Variants in WDR45 observed in about 807,000 individuals in gnomAD.
The protein encoded by WDR45 is WD repeat domain phosphoinositide-interacting protein 4.
A neutral mutation model predicts 27.3 loss-of-function variants in WDR45; 2 were observed. The ratio of observed to expected loss-of-function variants is 0.07; its 90% CI spans 0.03 to 0.23. WDR45 has a LOEUF of 0.23. Among genes scored for constraint, WDR45 ranks in the 10% least tolerant of loss-of-function variants. The probability of loss-of-function intolerance (pLI) is 1.00; values close to 1 mark genes in which losing one functional copy is unlikely to be tolerated. For missense variants in WDR45, 175 were observed against 311.9 expected (o/e 0.56, Z 3.31); for synonymous variants, 99 against 119.2 (o/e 0.83, Z 1.11).
At position 49,077,654 on chromosome X, in the gene WDR45, G is replaced by A; in HGVS notation, c.224C>T (p.Ser75Leu). Residue 75 changes from serine to leucine, a missense_variant, in exon 4 of 11, where the codon TCA becomes TTA. Physicochemically the swap from Ser to Leu is moderately radical, Grantham distance 145 (BLOSUM62 -2). Transcript: ENST00000376372. The part of the protein sequence containing the change: ...LVGGGSSPKF[S>L]EISVLIWDDA... ...ATGAGGGCACTTACCTGAGATCTCT[G>A]AGAACTTGGGACTACTACCACCGCC... 8.3e-7 allele frequency: 1 copy of A among 1,198,159 alleles called. No individual in the cohort carries two copies. The highest frequency in any genetic ancestry group is 3.0e-5 in the East Asian group (1 of 33,013).
chrX:49,091,419 C>T (rs146322595), intron 2 of WDR45, among the ~76,000 whole-genome samples: 7,687 of 108,204 alleles, frequency 0.071, 729 homozygotes, highest in African/African-American at 0.25. Context: ...CCAGCCTGGG[C>T]GACAGAGCGA....
chrX:49,076,373 C>G, intron 6 of WDR45, 57 bp downstream of exon 6: 1 of 1,132,165 alleles, frequency 8.8e-7, no homozygotes, highest in Non-Finnish European at 1.2e-6. Context: ...TCATCTCTGC[C>G]CCTCTGCCCC....
At chrX:49,097,645 G>GTAT (rs112510291) in intron 2 of WDR45, among the ~76,000 whole-genome samples, 12 of 89,470 alleles carry the variant, frequency 1.3e-4, no homozygotes, top group African/African-American at 4.3e-4. Flanking sequence ...GCTAATTTTT[G>GTAT]TATTATTATT....
chrX:49,084,857 A>G (rs2065081484), upstream of WDR45, among the ~76,000 whole-genome samples: 1 of 109,554 alleles, frequency 9.1e-6, no homozygotes, highest in Non-Finnish European at 1.9e-5. Context: ...CTGGTCTTGA[A>G]CTCCTGACCT....
At chrX:49,077,593 G>T in intron 4 of WDR45, 50 bp downstream of exon 4, 1 of 1,109,660 alleles carries the variant, frequency 9.0e-7, no homozygotes, top group Non-Finnish European at 1.2e-6. Context: ...GCCTGTGGGA[G>T]GCCAGGAATC....
In WDR45 at chrX:49,074,447, T is replaced by G; in HGVS notation, c.*356A>C. 1 of 341,943 alleles carries G rather than the reference T, an allele frequency of 2.9e-6. No individual in the cohort carries two copies. The highest frequency in any genetic ancestry group is 5.0e-6 in the Non-Finnish European group (1 of 198,126). The allele number at this position is 341,943 out of a possible 1,213,427, so 28.2% of individuals were successfully genotyped here. A position where few individuals can be genotyped will look rare whatever the true frequency, so the allele number is the denominator to read the frequency against. On this transcript the variant is annotated 3_prime_UTR_variant, in exon 11 of 11. Coordinates refer to ENST00000376372, the MANE Select transcript of WDR45 (RefSeq NM_001029896.2). ...CCCTGAGGTCAAGCCGTAAATGCCATTAAGGGCCTTTTATTCGTATTCATC... is the reference window on the plus strand; with the variant it reads ...CCCTGAGGTCAAGCCGTAAATGCCAGTAAGGGCCTTTTATTCGTATTCATC...
chrX:49,092,848 T>C (rs1412346358), intron 2 of WDR45, among the ~76,000 whole-genome samples: 1 of 112,663 alleles, frequency 8.9e-6, no homozygotes, highest in Admixed American at 9.5e-5. Flanking sequence ...ACTATGGCAC[T>C]CTGAGGTGCC....
At chrX:49,093,345 C>T (rs782313553) in intron 2 of WDR45, among the ~76,000 whole-genome samples, 3 of 110,311 alleles carry the variant, frequency 2.7e-5, no homozygotes, top group South Asian at 3.8e-4. Context: ...TGCAATGGCA[C>T]GACCTCAGCT....
intron 2 of WDR45, among the ~76,000 whole-genome samples, chrX:49,098,673 G>A (rs944482495): frequency 9.1e-6 from 1 of 109,557 alleles, no homozygotes; most frequent in Non-Finnish European, 1.9e-5. Flanking sequence ...CAGGTGTAGC[G>A]TGGCGCACCT....
intron 4 of WDR45, 44 bp from the exon 5 acceptor site, chrX:49,076,794 A>T: frequency 9.3e-7 from 1 of 1,080,085 alleles, no homozygotes; most frequent in Non-Finnish European, 1.3e-6. Flanking sequence ...GGTTTAGGGT[A>T]AGGGGCAGCC....
At chrX:49,098,537 A>G (rs1356501104) in intron 2 of WDR45, among the ~76,000 whole-genome samples, 2 of 107,048 alleles carry the variant, frequency 1.9e-5, no homozygotes, top group Non-Finnish European at 3.9e-5. Context: ...GGCTGGGTGC[A>G]GTGGCTCATG....
chrX:49,098,142 G>A (rs186506806), intron 2 of WDR45, among the ~76,000 whole-genome samples: 7 of 110,963 alleles, frequency 6.3e-5, no homozygotes, highest in African/African-American at 9.8e-5. Context: ...TTGTAGAGAC[G>A]GTGTCTCACA....
At chrX:49,077,007 G>C in intron 4 of WDR45, 1 of 366,255 alleles carries the variant, frequency 2.7e-6, no homozygotes, top group Non-Finnish European at 4.8e-6. Context: ...GGACCTCAAA[G>C]CTCATCAGCA....
chrX:49,091,761 A>G (rs2065107095), intron 2 of WDR45, among the ~76,000 whole-genome samples: 1 of 99,367 alleles, frequency 1.0e-5, no homozygotes, highest in Admixed American at 1.1e-4. Context: ...GTCTCAAAAA[A>G]AAAAAAAAAA....
chrX:49,094,757 G>C (rs954692516), intron 2 of WDR45, among the ~76,000 whole-genome samples: 4 of 110,320 alleles, frequency 3.6e-5, no homozygotes, highest in African/African-American at 1.3e-4. Flanking sequence ...ATTATATGTT[G>C]AATGACAGAA....
chrX:49,076,246 G>T, intron 6 of WDR45, 184 bp downstream of exon 6: 1 of 533,797 alleles, frequency 1.9e-6, no homozygotes, highest in African/African-American at 2.3e-5. Context: ...GGGTGGGGCA[G>T]GTCCGGAGGT....
rs191040091 is a variant in WDR45, at chrX:49,093,866, G to A, written c.-18+6339C>T. 2.8e-5 allele frequency among the ~76,000 whole-genome samples: 3 copies of A among 107,133 alleles called. No homozygotes were observed. The East Asian group carries it at 9.1e-4, about 32-fold the overall frequency. 93.0% of individuals were successfully genotyped at this position (107,133 alleles called of 115,157 possible). ...CGGGGTGTCTTTTTTTTCTGAGATG[G>A]AGTCTCACTCTATCGCCCAAGCTGG... On this transcript the variant is annotated intron_variant, in intron 2 of 11. Coordinates refer to the WDR45 transcript ENST00000356463.
intron 2 of WDR45, among the ~76,000 whole-genome samples, chrX:49,098,986 A>G (rs1479730887): frequency 8.9e-6 from 1 of 111,974 alleles, no homozygotes; most frequent in African/African-American, 3.2e-5. Flanking sequence ...AGTATTATAC[A>G]AAAGTGAAGT....
At chrX:49,080,260 A>T (rs1602542562), upstream of WDR45, 1 of 111,677 alleles carries the variant, frequency 9.0e-6, no homozygotes, top group South Asian at 3.7e-4. Context: ...CCCGGTTCGC[A>T]ACACACAGTC....
Sources: gnomAD v4.1 joint callset for allele counts (sites outside exome capture counted in the v4.1 genomes callset) on GRCh38, gnomAD v4.1.1 for gene constraint, MANE v1.5 for transcripts, NCBI Gene and HGNC (gene_info 2026-07-23, HGNC 2026-07-21) for gene names.